Variants in EDA observed in about 807,000 individuals in gnomAD.
EDA encodes ectodysplasin A.
Under a neutral mutation model 23.6 loss-of-function variants are expected in EDA, and 2 were observed. That is an observed-to-expected ratio of 0.08 (90% CI 0.03 to 0.27). EDA has a LOEUF of 0.27. EDA is among the 10% of genes least tolerant of loss of function. The probability of loss-of-function intolerance (pLI) is 1.00; values close to 1 mark genes in which losing one functional copy is unlikely to be tolerated. For missense variants in EDA, 229 were observed against 324.2 expected (o/e 0.71, Z 2.26); for synonymous variants, 131 against 132.0 (o/e 0.99, Z 0.05).
At chrX:69,893,336 C>G (rs952118916) in intron 1 of EDA, among the ~76,000 whole-genome samples, 1 of 111,695 alleles carries the variant, frequency 9.0e-6, no homozygotes, top group African/African-American at 3.3e-5. Context: ...TCTGTAAAGG[C>G]CCTTTTTCCA....
At chrX:69,660,731 T>TGC (rs1933466051) in intron 1 of EDA, among the ~76,000 whole-genome samples, 1 of 111,890 alleles carries the variant, frequency 8.9e-6, no homozygotes, top group Non-Finnish European at 1.9e-5. Context: ...TTTCTTAATC[T>TGC]AGTCTATCAT....
chrX:69,749,936 T>C (rs1189006335), intron 1 of EDA, among the ~76,000 whole-genome samples: 4 of 102,195 alleles, frequency 3.9e-5, no homozygotes, highest in African/African-American at 1.1e-4. Flanking sequence ...TTTTTTTTTT[T>C]TTTTTTTTTT....
In EDA at chrX:69,655,762, C is replaced by CTATATATATATCTA. The variant is rs1555977669; in HGVS notation, c.396+39069_396+39070insCTATATATATATAT. Among the ~76,000 whole-genome samples, 67 of 52,480 alleles carry CTATATATATATCTA rather than the reference C, an allele frequency of 1.3e-3. 3 individuals are homozygous for CTATATATATATCTA. Among genetic ancestry groups the CTATATATATATCTA allele is most frequent in the African/African-American group, 7.4e-3 (66 of 8,936 alleles). 45.6% of individuals were successfully genotyped at this position (52,480 alleles called of 115,157 possible). On this transcript the variant is annotated intron_variant, in intron 1 of 7. Coordinates refer to ENST00000374552, the MANE Select transcript of EDA (RefSeq NM_001399.5). ...CCACTATTATTTACATCATTAGAAT[C>CTATATATATATCTA]TATATATATATATATATATATATAT...
intron 1 of EDA, among the ~76,000 whole-genome samples, chrX:69,768,597 G>A (rs898114779): frequency 2.7e-5 from 3 of 111,203 alleles, no homozygotes; most frequent in Admixed American, 1.9e-4. Context: ...GATTATTATA[G>A]TTTTATATTA....
chrX:69,708,313 A>G (rs2011818985), intron 1 of EDA, among the ~76,000 whole-genome samples: 1 of 111,728 alleles, frequency 9.0e-6, no homozygotes, highest in Non-Finnish European at 1.9e-5. Flanking sequence ...GCATGGTGTA[A>G]TCAGTTAGCT....
chrX:69,663,263 AT>A (rs1030081925), intron 1 of EDA, among the ~76,000 whole-genome samples: 1 of 111,542 alleles, frequency 9.0e-6, no homozygotes, highest in Non-Finnish European at 1.9e-5. Flanking sequence ...AAGAGGAAAA[AT>A]TGGTTTCGTG....
At chrX:69,849,128 C>T (rs938722614) in intron 1 of EDA, among the ~76,000 whole-genome samples, 1 of 92,984 alleles carries the variant, frequency 1.1e-5, no homozygotes, top group Admixed American at 1.3e-4. Flanking sequence ...CACACACACA[C>T]ACACATACAT....
At chrX:69,894,901 T>G (rs2147636124) in intron 1 of EDA, among the ~76,000 whole-genome samples, 1 of 111,652 alleles carries the variant, frequency 9.0e-6, no homozygotes, top group East Asian at 2.8e-4. Flanking sequence ...CTTTTATTTC[T>G]TTCTCTTGCC....
chrX:69,628,708 G>C (rs894968752), intron 1 of EDA, among the ~76,000 whole-genome samples: 1 of 111,243 alleles, frequency 9.0e-6, no homozygotes, highest in African/African-American at 3.3e-5. Context: ...AAACTTGGAA[G>C]GCCTTATATT....
At chrX:69,667,173 A>G (rs1361097682) in intron 1 of EDA, among the ~76,000 whole-genome samples, 1 of 96,423 alleles carries the variant, frequency 1.0e-5, no homozygotes, top group Non-Finnish European at 2.0e-5. Flanking sequence ...GCTGGAGTGC[A>G]GTGGTGCGAT....
chrX:69,683,237 CTG>C (rs1018954879), intron 1 of EDA, among the ~76,000 whole-genome samples: 1 of 111,562 alleles, frequency 9.0e-6, no homozygotes, highest in Non-Finnish European at 1.9e-5. Flanking sequence ...TCTCTCCCCA[CTG>C]TAATATCAGG....
chrX:69,675,914 C>G (rs1379657235), intron 1 of EDA, among the ~76,000 whole-genome samples: 2 of 111,219 alleles, frequency 1.8e-5, no homozygotes, highest in Non-Finnish European at 1.9e-5. Context: ...GAGCAAAGAT[C>G]TGGAGGCAGT....
intron 1 of EDA, among the ~76,000 whole-genome samples, chrX:69,820,489 T>C (rs1455566618): frequency 8.9e-6 from 1 of 112,126 alleles, no homozygotes; most frequent in Non-Finnish European, 1.9e-5. Flanking sequence ...TTTTGCAATG[T>C]ATCCATCTGA....
In EDA at chrX:69,824,453, T is replaced by G. The variant is rs754186034; in HGVS notation, c.397-132574T>G. On this transcript the variant is annotated intron_variant, in intron 1 of 7. Transcript: ENST00000374552. ...GGATTCCTAGGTATTTTATTCTCTT[T>G]GAAGCCATTGTGAATGGGAGTTCTC... Among the ~76,000 whole-genome samples the G allele has an allele frequency of 4.5e-5, 5 of 110,884 alleles. No individual in the cohort carries two copies. The South Asian group carries it at 1.2e-3, about 26-fold the overall frequency.
chrX:69,844,504 T>C (rs2016966113), intron 1 of EDA, among the ~76,000 whole-genome samples: 1 of 112,705 alleles, frequency 8.9e-6, no homozygotes. Flanking sequence ...TACTCTTAGA[T>C]GATGTGTGTC....
intron 1 of EDA, among the ~76,000 whole-genome samples, chrX:69,793,570 G>GTTTTTTTTTTTTTTTT (rs67241807): frequency 2.7e-3 from 160 of 58,667 alleles, no homozygotes; most frequent in East Asian, 4.5e-3. Context: ...GTTTGTTTTT[G>GTTTTTTTTTTTTTTTT]TTTTTTTTTT....
chrX:69,893,929 G>C (rs910846223), intron 1 of EDA, among the ~76,000 whole-genome samples: 2 of 111,959 alleles, frequency 1.8e-5, no homozygotes. Flanking sequence ...GTCTCCCCCA[G>C]CACCAACTTT....
chrX:69,998,937 C>T lies in EDA; in HGVS notation c.503-24281C>T, dbSNP rs751489183. ...TTTTTCTTCCCAGTCTCGGGTATGT[C>T]TTTATCAACAGTGTAAAAACAGACT... On this transcript the variant is annotated intron_variant, in intron 2 of 7. Coordinates refer to ENST00000374552, the MANE Select transcript of EDA (RefSeq NM_001399.5). 1.2e-4 allele frequency among the ~76,000 whole-genome samples: 13 copies of T among 111,337 alleles called. No individual in the cohort carries two copies. The East Asian group carries it at 2.9e-3, about 24-fold the overall frequency.
At chrX:69,865,872 G>A (rs773970968) in intron 1 of EDA, among the ~76,000 whole-genome samples, 7 of 112,459 alleles carry the variant, frequency 6.2e-5, no homozygotes, top group Non-Finnish European at 7.5e-5. Context: ...ATGCTGATAC[G>A]AAGTCAGTAA....
Sources: allele counts gnomAD v4.1 joint callset (sites outside exome capture counted in the v4.1 genomes callset), GRCh38; gene constraint gnomAD v4.1.1; transcripts MANE v1.5; gene names NCBI Gene and HGNC (gene_info 2026-07-23, HGNC 2026-07-21).